The following FGF12 variants were observed in gnomAD, a reference collection of about 807,000 sequenced individuals.
FGF12 encodes fibroblast growth factor 12B.
Under a neutral mutation model 23.6 loss-of-function variants are expected in FGF12, and 14 were observed. The observed-to-expected ratio is 0.59, with a 90% CI of 0.39 to 0.93. The LOEUF is 0.93. FGF12 is among the 40% of genes least tolerant of loss of function. FGF12 has a pLI of 0.00. For synonymous variants in FGF12, 62 were observed against 77.3 expected, an observed-to-expected ratio of 0.80 and a Z score of 1.04; for missense variants, 175 against 217.8, an observed-to-expected ratio of 0.80 and a Z score of 1.24.
At position 192,514,361 on chromosome 3, in the gene FGF12, G is replaced by C. The variant is rs1043954814; in HGVS notation, c.14-153823C>G. 6.6e-6 allele frequency among the ~76,000 whole-genome samples: 1 copy of C among 152,260 alleles called. No individual in the cohort carries two copies. The highest frequency in any genetic ancestry group is 1.5e-5 in the Non-Finnish European group (1 of 68,052). On this transcript the variant is annotated intron_variant, in intron 2 of 5. Coordinates refer to ENST00000445105, the MANE Select transcript of FGF12 (RefSeq NM_004113.6). This position sits in a 1 kb window ranked among gnomAD's most constrained non-coding sequence, Gnocchi z 4.9. ...TCGCAAATCGCAGAGAGGGCCGCGA[G>C]AAGGTGCGAACGCAGGTCACGGCCA...
intron 2 of FGF12, among the ~76,000 whole-genome samples, chr3:192,569,569 A>G (rs1200324850): frequency 6.6e-6 from 1 of 152,252 alleles, no homozygotes; most frequent in African/African-American, 2.4e-5. Context: ...AGGCCAGGGA[A>G]AGATAATGTC....
intron 2 of FGF12, among the ~76,000 whole-genome samples, chr3:192,599,636 C>T (rs1487417086): frequency 6.6e-6 from 1 of 152,010 alleles, no homozygotes; most frequent in Non-Finnish European, 1.5e-5. Context: ...GGAAGATTTA[C>T]TCATTTATTA....
At chr3:192,453,886 G>T (rs1722601607) in intron 2 of FGF12, among the ~76,000 whole-genome samples, 1 of 152,074 alleles carries the variant, frequency 6.6e-6, no homozygotes, top group South Asian at 2.1e-4. Context: ...TAAACTTGAA[G>T]TATTTTTAAT....
At chr3:192,411,665 A>T (rs1464504600) in intron 2 of FGF12, among the ~76,000 whole-genome samples, 1 of 152,212 alleles carries the variant, frequency 6.6e-6, no homozygotes, top group African/African-American at 2.4e-5. Flanking sequence ...CTACTAGAAG[A>T]CTTGTCTCAT....
At chr3:192,719,797 A>C (rs1718981829) in intron 2 of FGF12, among the ~76,000 whole-genome samples, 1 of 141,874 alleles carries the variant, frequency 7.0e-6, no homozygotes, top group Non-Finnish European at 1.5e-5. Flanking sequence ...AAAAAAAAAA[A>C]AAAAAAAGAA....
intron 2 of FGF12, among the ~76,000 whole-genome samples, chr3:192,607,035 G>T (rs183352035): frequency 1.3e-5 from 2 of 150,204 alleles, no homozygotes; most frequent in African/African-American, 5.0e-5. Context: ...ACACACACAC[G>T]CAGGTACACT....
chr3:192,360,376 T>C lies in FGF12; in HGVS notation c.124+52A>G. On this transcript the variant is annotated intron_variant, in intron 3 of 5. Coordinates refer to ENST00000445105, the MANE Select transcript of FGF12 (RefSeq NM_004113.6). This position sits in a 1 kb window ranked among gnomAD's most constrained non-coding sequence, Gnocchi z 4.3. ...GCAATGCTTTAAGTATAAGATACAC[T>C]GGGCCCTACATTTGATTTGTAATCA... The C allele has an allele frequency of 8.0e-7, 1 of 1,254,572 alleles. No individual in the cohort carries two copies. Among genetic ancestry groups the C allele is most frequent in the South Asian group, 1.2e-5 (1 of 83,658 alleles). 77.7% of individuals were successfully genotyped at this position (1,254,572 alleles called of 1,614,324 possible).
chr3:192,269,875 C>T (rs1042798521), intron 4 of FGF12, among the ~76,000 whole-genome samples: 2 of 151,922 alleles, frequency 1.3e-5, no homozygotes, highest in Non-Finnish European at 2.9e-5. Context: ...TTTATTAAGA[C>T]AAATTTCTGA....
intron 4 of FGF12, among the ~76,000 whole-genome samples, chr3:192,312,209 G>T (rs909545709): frequency 2.0e-5 from 3 of 151,984 alleles, no homozygotes; most frequent in African/African-American, 7.2e-5. Flanking sequence ...TTGTGCTTTA[G>T]ATGTTATATC....
At chr3:192,458,691 G>A (rs1461905208) in intron 2 of FGF12, among the ~76,000 whole-genome samples, 1 of 152,108 alleles carries the variant, frequency 6.6e-6, no homozygotes, top group Non-Finnish European at 1.5e-5. Flanking sequence ...ATAAGACTTT[G>A]GACTGTGGAC....
intron 2 of FGF12, among the ~76,000 whole-genome samples, chr3:192,597,687 C>A (rs568139626): frequency 6.6e-6 from 1 of 152,344 alleles, no homozygotes; most frequent in African/African-American, 2.4e-5. Flanking sequence ...AAACTGGCCA[C>A]TCTGCATTCC....
At chr3:192,632,028 G>A (rs1262735664) in intron 2 of FGF12, among the ~76,000 whole-genome samples, 1 of 152,120 alleles carries the variant, frequency 6.6e-6, no homozygotes, top group East Asian at 1.9e-4. Context: ...GTTCTCTCAG[G>A]AGAGCAACGC....
intron 4 of FGF12, among the ~76,000 whole-genome samples, chr3:192,204,711 C>T (rs1717551977): frequency 6.6e-6 from 1 of 151,976 alleles, no homozygotes; most frequent in Non-Finnish European, 1.5e-5. Flanking sequence ...CGTGGCAAAA[C>T]CCCATCTCTA....
At chr3:192,585,744 G>A (rs912352509) in intron 2 of FGF12, among the ~76,000 whole-genome samples, 13 of 152,052 alleles carry the variant, frequency 8.5e-5, no homozygotes, top group Admixed American at 7.9e-4. Context: ...TGGAAGACTG[G>A]GGCCAATAGT....
At chr3:192,310,028 C>G (rs956977411) in intron 4 of FGF12, among the ~76,000 whole-genome samples, 1 of 152,168 alleles carries the variant, frequency 6.6e-6, no homozygotes, top group East Asian at 1.9e-4. Context: ...AGCATGAAAT[C>G]TCATCTGATT....
chr3:192,464,161 G>A (rs1254201216), intron 2 of FGF12, among the ~76,000 whole-genome samples: 2 of 152,042 alleles, frequency 1.3e-5, no homozygotes, highest in South Asian at 4.1e-4. Context: ...CAGTAGGTCT[G>A]GGGGGAACAT....
chr3:192,346,116 A>G (rs1405032), intron 3 of FGF12, among the ~76,000 whole-genome samples: 35,434 of 151,930 alleles, frequency 0.23, 4,291 homozygotes, highest in Admixed American at 0.3. Context: ...CTCTCATTCA[A>G]TCCATGTCTA....
rs1458064093 is a variant in FGF12, at chr3:192,368,492, A to G, written c.14-7954T>C. On this transcript the variant is annotated intron_variant, in intron 2 of 5. Transcript: ENST00000445105. The stretch of plus-strand genomic sequence containing the variant: ...AAGCCTAAAGAAAGAGAGGAAGGAA[A>G]CCATTAAGGATATCTAACAGAAATA... Among the ~76,000 whole-genome samples, 2 of 152,012 alleles carry G rather than the reference A, an allele frequency of 1.3e-5. 1 individual carries two copies. Among genetic ancestry groups the G allele is most frequent in the Non-Finnish European group, 2.9e-5 (2 of 67,990 alleles).
intron 2 of FGF12, among the ~76,000 whole-genome samples, chr3:192,594,764 T>A (rs1029102136): frequency 6.6e-6 from 1 of 151,882 alleles, no homozygotes; most frequent in African/African-American, 2.4e-5. Flanking sequence ...GTAAGAAGGT[T>A]CTCACCAGAC....
Sources: gnomAD v4.1 joint callset for allele counts (sites outside exome capture counted in the v4.1 genomes callset) on GRCh38, gnomAD v4.1.1 for gene constraint, Gnocchi (gnomAD v3.1) non-coding constraint, MANE v1.5 for transcripts, NCBI Gene and HGNC (gene_info 2026-07-23, HGNC 2026-07-21) for gene names.